Variants in AGBL4 observed in about 807,000 individuals in gnomAD.
AGBL4 encodes the protein cytosolic carboxypeptidase 6.
AGBL4 carries 58 observed loss-of-function variants against 66.4 expected under a neutral mutation model. That is an observed-to-expected ratio of 0.87 (90% CI 0.71 to 1.09). The LOEUF (loss-of-function observed/expected upper bound fraction) is 1.09, where lower values mean the gene tolerates loss of function less well. Among genes scored for constraint, AGBL4 ranks in the 50% least tolerant of loss-of-function variants. AGBL4 has a pLI of 0.00. For missense variants in AGBL4, 579 were observed against 631.0 expected, an observed-to-expected ratio of 0.92 and a Z score of 0.88; for synonymous variants, 234 against 222.9, an observed-to-expected ratio of 1.05 and a Z score of -0.44.
chr1:49,842,507 C>G (rs1174489380), intron 2 of AGBL4: 1 of 984,878 alleles, frequency 1.0e-6, no homozygotes, highest in African/African-American at 1.8e-5. Context: ...TAATTCTTCA[C>G]AGCAAATTTA....
intron 5 of AGBL4, among the ~76,000 whole-genome samples, chr1:48,926,787 T>C (rs75872134): frequency 0.034 from 5,147 of 152,220 alleles, 278 homozygotes; most frequent in African/African-American, 0.12. Context: ...GTCTGTATTA[T>C]AGAAGTAGAA....
intron 1 of AGBL4, among the ~76,000 whole-genome samples, chr1:49,935,449 A>T (rs1021442710): frequency 6.6e-6 from 1 of 152,220 alleles, no homozygotes; most frequent in Non-Finnish European, 1.5e-5. Context: ...TGCAGACTTA[A>T]ATGTCCCTGT....
chr1:48,656,409 A>G (rs1646021303), intron 7 of AGBL4, among the ~76,000 whole-genome samples: 1 of 152,204 alleles, frequency 6.6e-6, no homozygotes, highest in African/African-American at 2.4e-5. Flanking sequence ...TGCTCATTCT[A>G]CAAACATTCA....
intron 3 of AGBL4, among the ~76,000 whole-genome samples, chr1:49,516,328 T>C (rs1649821800): frequency 6.6e-6 from 1 of 151,994 alleles, no homozygotes; most frequent in Non-Finnish European, 1.5e-5. Flanking sequence ...TAATTCAGCC[T>C]GGAAGATCAA....
intron 4 of AGBL4, among the ~76,000 whole-genome samples, chr1:49,132,117 G>C (rs566678806): frequency 6.6e-6 from 1 of 152,092 alleles, no homozygotes; most frequent in East Asian, 1.9e-4. Context: ...CTATATAAGA[G>C]CTACTGAGGA....
At chr1:48,927,705 C>T (rs1026611621) in intron 5 of AGBL4, among the ~76,000 whole-genome samples, 5 of 152,166 alleles carry the variant, frequency 3.3e-5, no homozygotes, top group African/African-American at 1.2e-4. Flanking sequence ...ATGTGTCAAG[C>T]ACTGTGTTGG....
intron 3 of AGBL4, among the ~76,000 whole-genome samples, chr1:49,573,047 G>T (rs1037415882): frequency 4.0e-5 from 6 of 151,886 alleles, no homozygotes; most frequent in Non-Finnish European, 7.4e-5. Flanking sequence ...TCTCCTTGCT[G>T]CTCAAGCCTA....
intron 2 of AGBL4, among the ~76,000 whole-genome samples, chr1:49,741,890 G>T (rs1558211737): frequency 6.6e-6 from 1 of 152,028 alleles, no homozygotes; most frequent in Non-Finnish European, 1.5e-5. Context: ...AGGTATTGAT[G>T]GGACGTATCT....
chr1:49,723,394 C>G (rs147199268), intron 2 of AGBL4, among the ~76,000 whole-genome samples: 1 of 152,214 alleles, frequency 6.6e-6, no homozygotes, highest in East Asian at 1.9e-4. Flanking sequence ...GCCTATACTC[C>G]CTTTTCTGCC....
At chr1:48,975,302 C>T (rs544795012) in intron 5 of AGBL4, among the ~76,000 whole-genome samples, 1 of 152,156 alleles carries the variant, frequency 6.6e-6, no homozygotes, top group South Asian at 2.1e-4. Flanking sequence ...TGTAATGTTA[C>T]CAGTTTTTGG....
chr1:48,809,810 A>G (rs1252753582), intron 6 of AGBL4, among the ~76,000 whole-genome samples: 1 of 152,030 alleles, frequency 6.6e-6, no homozygotes, highest in Non-Finnish European at 1.5e-5. Flanking sequence ...TTCTTCCCTT[A>G]CTTCTGACAC....
chr1:49,225,067 C>T (rs542669579), intron 4 of AGBL4, among the ~76,000 whole-genome samples: 1 of 152,008 alleles, frequency 6.6e-6, no homozygotes, highest in Non-Finnish European at 1.5e-5. Context: ...ATGATAACAA[C>T]GGAAAAATAA....
chr1:48,859,367 TA>T (rs1647295329), intron 6 of AGBL4, among the ~76,000 whole-genome samples: 1 of 152,212 alleles, frequency 6.6e-6, no homozygotes, highest in African/African-American at 2.4e-5. Flanking sequence ...GAAGTATAAC[TA>T]TGTAGCTTAT....
chr1:49,493,002 G>A (rs934427306), intron 3 of AGBL4, among the ~76,000 whole-genome samples: 1 of 151,888 alleles, frequency 6.6e-6, no homozygotes, highest in Admixed American at 6.6e-5. Flanking sequence ...GCAAGAAGAA[G>A]TGCCAAGCAA....
chr1:49,699,142 A>G (rs1647040604), intron 2 of AGBL4, among the ~76,000 whole-genome samples: 1 of 152,078 alleles, frequency 6.6e-6, no homozygotes, highest in South Asian at 2.1e-4. Flanking sequence ...TTAATCAGTA[A>G]TTCATTCAAA....
At chr1:49,993,300 T>C (rs1270732676) in intron 1 of AGBL4, among the ~76,000 whole-genome samples, 3 of 152,246 alleles carry the variant, frequency 2.0e-5, no homozygotes, top group Non-Finnish European at 4.4e-5. Context: ...CTGGACATTG[T>C]TGAGATTGAG....
chr1:49,245,985 T>C (rs1052684177), intron 3 of AGBL4, 121 bp from the exon 4 acceptor site: 1 of 684,388 alleles, frequency 1.5e-6, no homozygotes, highest in Non-Finnish European at 2.5e-6. Flanking sequence ...GGCAACTGTA[T>C]AGTGAGAGTA....
intron 3 of AGBL4, chr1:49,469,951 C>T (rs1423994362): frequency 6.6e-6 from 1 of 151,868 alleles, no homozygotes; most frequent in Non-Finnish European, 1.5e-5. Context: ...CTGACACTTC[C>T]TAATAGTGTG....
At chr1:49,915,055 G>A (rs1651257600) in intron 1 of AGBL4, among the ~76,000 whole-genome samples, 1 of 152,070 alleles carries the variant, frequency 6.6e-6, no homozygotes, top group South Asian at 2.1e-4. Context: ...ACTGAATAAA[G>A]ATAATTAAAA....
Sources: allele counts gnomAD v4.1 joint callset (sites outside exome capture counted in the v4.1 genomes callset), GRCh38; gene constraint gnomAD v4.1.1; transcripts MANE v1.5; gene names NCBI Gene and HGNC (gene_info 2026-07-23, HGNC 2026-07-21).